GRID2: variants seen among roughly 807,000 people sequenced by gnomAD.
GRID2 encodes glutamate ionotropic receptor delta type subunit 2, also known as glutamate receptor ionotropic, delta-2.
In GRID2, 33 loss-of-function variants were observed where a neutral mutation model predicts 114.8. The ratio of observed to expected loss-of-function variants is 0.29; its 90% CI spans 0.22 to 0.38. The LOEUF (loss-of-function observed/expected upper bound fraction) is 0.38. Among genes scored for constraint, GRID2 ranks in the 10% least tolerant of loss-of-function variants. The pLI is 1.00. For missense variants in GRID2, 1,184 were observed against 1,257.7 expected (o/e 0.94, Z 0.89); for synonymous variants, 505 against 449.9 (o/e 1.12, Z -1.55).
chr4:93,179,352 G>A (rs1739667589), intron 4 of GRID2, among the ~76,000 whole-genome samples: 1 of 152,016 alleles, frequency 6.6e-6, no homozygotes, highest in Non-Finnish European at 1.5e-5. Flanking sequence ...TTTCATTTGG[G>A]GACTGTAATA....
At chr4:92,468,725 A>AT (rs1205709851) in intron 1 of GRID2, among the ~76,000 whole-genome samples, 3 of 152,068 alleles carry the variant, frequency 2.0e-5, no homozygotes, top group African/African-American at 7.2e-5. Flanking sequence ...CCATAAATAT[A>AT]TTATGTCTGA....
At chr4:93,589,951 T>G (rs1262851583) in intron 13 of GRID2, among the ~76,000 whole-genome samples, 1 of 150,950 alleles carries the variant, frequency 6.6e-6, no homozygotes, top group African/African-American at 2.4e-5. Context: ...TTCTGGATAT[T>G]AGCCCTTTGT....
At chr4:93,190,178 T>C (rs1740850851) in intron 4 of GRID2, among the ~76,000 whole-genome samples, 1 of 152,168 alleles carries the variant, frequency 6.6e-6, no homozygotes, top group Non-Finnish European at 1.5e-5. Context: ...ACTAACACTT[T>C]TGTTTTTTAT....
intron 2 of GRID2, among the ~76,000 whole-genome samples, chr4:93,054,187 GAAAC>G (rs551796117): frequency 2.7e-4 from 41 of 151,728 alleles, no homozygotes; most frequent in Non-Finnish European, 4.1e-4. Context: ...AATGCTAAAT[GAAAC>G]AAACAAGCAA....
At chr4:92,954,789 C>T (rs896752254) in intron 2 of GRID2, among the ~76,000 whole-genome samples, 1 of 134,884 alleles carries the variant, frequency 7.4e-6, no homozygotes, top group African/African-American at 2.8e-5. Context: ...CAAGAGTCCC[C>T]AGAGTGTGAT....
At chr4:92,759,903 G>A (rs529499948) in intron 2 of GRID2, among the ~76,000 whole-genome samples, 130 of 151,734 alleles carry the variant, frequency 8.6e-4, no homozygotes, top group African/African-American at 3.0e-3. Context: ...TGGGACTGCA[G>A]GTGTGCACGA....
intron 8 of GRID2, among the ~76,000 whole-genome samples, chr4:93,268,961 T>A (rs1457767423): frequency 2.0e-5 from 3 of 152,148 alleles, no homozygotes; most frequent in Admixed American, 6.6e-5. Context: ...TGGAGAGAAA[T>A]ACAAGTTTTA....
At chr4:92,785,529 A>T (rs941978823) in intron 2 of GRID2, among the ~76,000 whole-genome samples, 23 of 151,860 alleles carry the variant, frequency 1.5e-4, no homozygotes, top group Admixed American at 1.4e-3. Context: ...CAAAAATACA[A>T]TTTTCTACTT....
chr4:92,729,511 A>G (rs1436450025), intron 2 of GRID2, among the ~76,000 whole-genome samples: 1 of 152,074 alleles, frequency 6.6e-6, no homozygotes, highest in Non-Finnish European at 1.5e-5. Flanking sequence ...TCTATGGGAT[A>G]AGAAGCATGT....
chr4:93,058,369 C>T (rs1308294184), intron 2 of GRID2, among the ~76,000 whole-genome samples: 1 of 151,876 alleles, frequency 6.6e-6, no homozygotes, highest in African/African-American at 2.4e-5. Context: ...TCAGCAATTG[C>T]TTTTATGAGA....
intron 8 of GRID2, among the ~76,000 whole-genome samples, chr4:93,244,623 CTA>C (rs1362364288): frequency 4.1e-5 from 1 of 24,164 alleles, no homozygotes; most frequent in Admixed American, 7.6e-4. Context: ...ATTATATAAT[CTA>C]TTATATATTA....
chr4:92,512,426 A>T (rs1262061055), intron 1 of GRID2, among the ~76,000 whole-genome samples: 1 of 151,856 alleles, frequency 6.6e-6, no homozygotes, highest in Non-Finnish European at 1.5e-5. Flanking sequence ...AAGAAATTCT[A>T]AAACATAGTA....
chr4:92,870,921 G>A (rs1745225737), intron 2 of GRID2, among the ~76,000 whole-genome samples: 1 of 152,100 alleles, frequency 6.6e-6, no homozygotes, highest in South Asian at 2.1e-4. Context: ...GATAACATCA[G>A]CACATAATGA....
intron 8 of GRID2, among the ~76,000 whole-genome samples, chr4:93,394,003 C>G (rs994270117): frequency 6.6e-5 from 10 of 151,932 alleles, no homozygotes; most frequent in African/African-American, 2.4e-4. Context: ...TGGAATAGCT[C>G]TTCACTTAAT....
At chr4:92,797,448 T>G (rs1739940836) in intron 2 of GRID2, among the ~76,000 whole-genome samples, 1 of 151,998 alleles carries the variant, frequency 6.6e-6, no homozygotes, top group African/African-American at 2.4e-5. Flanking sequence ...GGTTTAATAC[T>G]AGATCTTTAC....
At chr4:92,818,010 T>G (rs1741020329) in intron 2 of GRID2, among the ~76,000 whole-genome samples, 1 of 152,150 alleles carries the variant, frequency 6.6e-6, no homozygotes, top group Non-Finnish European at 1.5e-5. Flanking sequence ...AAAACTGACC[T>G]CAATCATATT....
chr4:93,050,217 T>C (rs1305359850), intron 2 of GRID2, among the ~76,000 whole-genome samples: 2 of 152,228 alleles, frequency 1.3e-5, no homozygotes, highest in Admixed American at 1.3e-4. Flanking sequence ...GGCATCTTCA[T>C]TTAATATTGT....
chr4:92,807,298 C>A (rs527720706), intron 2 of GRID2, among the ~76,000 whole-genome samples: 1 of 151,912 alleles, frequency 6.6e-6, no homozygotes, highest in Non-Finnish European at 1.5e-5. Flanking sequence ...ATAAAGTGTA[C>A]CCTTTGCTTA....
At position 92,744,383 on chromosome 4, in the gene GRID2, G is replaced by A. The variant is rs534713535; in HGVS notation, c.244+154097G>A. On this transcript the variant is annotated intron_variant, in intron 2 of 15. Transcript: ENST00000282020. ...CACGCCTGTAATCCTAGCTACTCGG[G>A]AGACTGAGGCAGGAGAATTCCTTGA... 3.3e-5 allele frequency among the ~76,000 whole-genome samples: 5 copies of A among 151,746 alleles called. No individual in the cohort carries two copies. The South Asian group carries it at 8.3e-4, about 25-fold the overall frequency.
Sources: gnomAD v4.1 joint callset for allele counts (sites outside exome capture counted in the v4.1 genomes callset) on GRCh38, gnomAD v4.1.1 for gene constraint, MANE v1.5 for transcripts, NCBI Gene and HGNC (gene_info 2026-07-23, HGNC 2026-07-21) for gene names.